The following NEB variants were observed in gnomAD, a reference collection of about 807,000 sequenced individuals.
NEB encodes nemaline myopathy type 2.
In NEB, 512 loss-of-function variants were observed where a neutral mutation model predicts 952.2. The observed-to-expected ratio is 0.54, with a 90% CI of 0.50 to 0.58. The LOEUF (loss-of-function observed/expected upper bound fraction) is 0.58. Among genes scored for constraint, NEB ranks in the 20% least tolerant of loss-of-function variants. The pLI is 0.00. For synonymous variants in NEB, 2,900 were observed against 3,149.8 expected, an observed-to-expected ratio of 0.92 and a Z score of 2.66; for missense variants, 8,428 against 9,231.1, an observed-to-expected ratio of 0.91 and a Z score of 3.56.
chr2:151,505,110 A>G (rs553886802), intron 165 of NEB, among the ~76,000 whole-genome samples: 284 of 152,318 alleles, frequency 1.9e-3, no homozygotes, highest in African/African-American at 6.6e-3. Flanking sequence ...TATACTACTT[A>G]TATGTTTATA....
intron 45 of NEB, among the ~76,000 whole-genome samples, chr2:151,663,249 A>G (rs569159953): frequency 1.3e-5 from 2 of 152,220 alleles, no homozygotes; most frequent in South Asian, 2.1e-4. Context: ...GCTTTTGACC[A>G]TCTTTGCTAG....
At chr2:151,576,817 G>A (rs1418474350) in intron 105 of NEB, among the ~76,000 whole-genome samples, 1 of 151,956 alleles carries the variant, frequency 6.6e-6, no homozygotes, top group African/African-American at 2.4e-5. Flanking sequence ...TTACAGGCAT[G>A]AGCCACTACG....
In NEB at chr2:151,643,798, A is replaced by G; in HGVS notation, c.7956+20T>C. On this transcript the variant is annotated intron_variant, in intron 57 of 181. Transcript: ENST00000397345. ...AGCAGACATAATGTTTTGTTGGCCA[A>G]AGGAAAATCTTAGACTCACATCGCT... 6.2e-7 allele frequency: 1 copy of G among 1,605,730 alleles called. No homozygotes were observed. The highest frequency in any genetic ancestry group is 8.5e-7 in the Non-Finnish European group (1 of 1,173,890).
chr2:151,558,949 T>C (rs1190387673), intron 124 of NEB, among the ~76,000 whole-genome samples: 1 of 152,096 alleles, frequency 6.6e-6, no homozygotes, highest in African/African-American at 2.4e-5. Flanking sequence ...TGGAATCTAA[T>C]TAAACTAAAG....
intron 34 of NEB, among the ~76,000 whole-genome samples, 188 bp from the exon 35 acceptor site, chr2:151,675,579 T>C (rs1204238143): frequency 6.6e-6 from 1 of 152,130 alleles, no homozygotes; most frequent in Non-Finnish European, 1.5e-5. Context: ...TGTGTTAAAA[T>C]AGAAGGAGAA....
At position 151,499,395 on chromosome 2, in the gene NEB, A is replaced by G. The variant is rs2062740735; in HGVS notation, c.24022-5T>C. On this transcript the variant is annotated splice_region_variant and splice_polypyrimidine_tract_variant and intron_variant, in intron 168 of 181. Transcript: ENST00000397345. Reference sequence around the variant, plus strand: ...AACGTTTTCTTTATACAACACCTGTATGACACAAGAAAGCATCCAGAAAAA... The same window carrying G: ...AACGTTTTCTTTATACAACACCTGTGTGACACAAGAAAGCATCCAGAAAAA... The G allele has an allele frequency of 2.7e-6, 4 of 1,501,970 alleles. No homozygotes were observed. The highest frequency in any genetic ancestry group is 9.1e-7 in the Non-Finnish European group (1 of 1,104,024). The allele number at this position is 1,501,970 out of a possible 1,614,324, so 93.0% of individuals were successfully genotyped here.
rs71403173 is a variant in NEB, at chr2:151,512,019, C to CTTTTT, written c.23346+709_23346+713dup. Among the ~76,000 whole-genome samples, 14 of 93,584 alleles carry CTTTTT rather than the reference C, an allele frequency of 1.5e-4. 2 individuals carry two copies. Among genetic ancestry groups the CTTTTT allele is most frequent in the African/African-American group, 5.6e-4 (13 of 23,308 alleles). 61.4% of individuals were successfully genotyped at this position (93,584 alleles called of 152,430 possible). A position where few individuals can be genotyped will look rare whatever the true frequency, so the allele number is the denominator to read the frequency against. ...CTGCATCATAGGTTACCCTCTCACT[C>CTTTTT]TTTTTTTTTTTTTTTTTTTTTTTTT... On this transcript the variant is annotated intron_variant, in intron 161 of 181. Transcript: ENST00000397345.
chr2:151,631,174 A>C lies in NEB; in HGVS notation c.9587T>G (p.Leu3196Arg), dbSNP rs754001835. Residue 3196 changes from leucine (L) to arginine (R), a missense_variant, in exon 66 of 182, where the codon CTG (leucine) becomes CGG (arginine). Around this residue, in one of 11 missense-constraint regions of NEB, gnomAD observed 1,772 missense variants for 1,960.3 expected, o/e 0.90. Transcript: ENST00000397345. ...TSVTDSLEQVLAKNNALNMNK... is the reference protein window; with the variant it reads ...TSVTDSLEQVRAKNNALNMNK... Reference sequence around the variant, plus strand: ...CATGTTGAGAGCATTGTTCTTGGCCAGCACCTGCTCTAGAGAATCAGTCAC... The same window carrying C: ...CATGTTGAGAGCATTGTTCTTGGCCCGCACCTGCTCTAGAGAATCAGTCAC... 1 of 1,613,974 alleles carries C rather than the reference A, an allele frequency of 6.2e-7. No individual in the cohort carries two copies. Among genetic ancestry groups the C allele is most frequent in the East Asian group, 2.2e-5 (1 of 44,878 alleles).
intron 55 of NEB, among the ~76,000 whole-genome samples, chr2:151,645,132 T>C (rs2098938569): frequency 6.6e-6 from 1 of 152,232 alleles, no homozygotes; most frequent in Non-Finnish European, 1.5e-5. Context: ...TGTTATACAG[T>C]GCATGTCTAT....
intron 60 of NEB, 69 bp from the exon 61 acceptor site, chr2:151,640,735 T>G: frequency 4.7e-6 from 7 of 1,477,638 alleles, no homozygotes; most frequent in Non-Finnish European, 6.4e-6. Context: ...TAAGCCTAAC[T>G]TGCTCTATTT....
At chr2:151,620,345 G>GTATA (rs775274994) in intron 72 of NEB, among the ~76,000 whole-genome samples, 1,535 of 86,986 alleles carry the variant, frequency 0.018, 36 homozygotes, top group Non-Finnish European at 0.025. Flanking sequence ...ATGTATGTGT[G>GTATA]TGTATATATA....
At chr2:151,545,819 G>A in intron 135 of NEB, 69 bp downstream of exon 135, 1 of 927,882 alleles carries the variant, frequency 1.1e-6, no homozygotes, top group Non-Finnish European at 1.7e-6. Context: ...GGAACTAAGA[G>A]CCTTGTGGAG....
intron 153 of NEB, among the ~76,000 whole-genome samples, chr2:151,522,614 G>A (rs1338771799): frequency 2.0e-5 from 3 of 152,092 alleles, no homozygotes; most frequent in Non-Finnish European, 4.4e-5. Flanking sequence ...CAATCTACAC[G>A]TTCCAACACA....
chr2:151,723,746 CTTTGTTTTTTT>C (rs1214834302), intron 8 of NEB, among the ~76,000 whole-genome samples: 1 of 55,914 alleles, frequency 1.8e-5, no homozygotes, highest in African/African-American at 7.3e-5. Context: ...TACCTGCCTT[CTTTGTTTTTTT>C]TTTTTTTTTT....
chr2:151,528,050 G>T (rs1466696555), intron 146 of NEB, among the ~76,000 whole-genome samples: 1 of 152,102 alleles, frequency 6.6e-6, no homozygotes, highest in Non-Finnish European at 1.5e-5. Context: ...CATAACAACT[G>T]CATGAAATAG....
At chr2:151,502,989 A>G in intron 166 of NEB, 104 bp from the exon 167 acceptor site, 1 of 673,690 alleles carries the variant, frequency 1.5e-6, no homozygotes, top group Non-Finnish European at 2.6e-6. Flanking sequence ...GCAGTTTTTT[A>G]GTAAGTAATA....
rs988993094 is a variant in NEB, at chr2:151,534,235, C to T, written c.21313-689G>A. On this transcript the variant is annotated intron_variant, in intron 142 of 181. Coordinates refer to ENST00000397345, the MANE Select transcript of NEB (RefSeq NM_001164508.2). ...AGTACCTGACTGATCTGGTCGCCTG[C>T]GGTCTTAGCCAGCAGATGTCTAGGC... is the stretch of plus-strand genomic sequence containing the variant. 23 of 1,613,226 alleles carry T rather than the reference C, an allele frequency of 1.4e-5. No homozygotes were observed. The African/African-American group carries it at 1.5e-4, about 10-fold the overall frequency.
In NEB at chr2:151,567,425, T is replaced by C. The variant is rs2096453116; in HGVS notation, c.17899A>G (p.Thr5967Ala). 6.2e-7 allele frequency: 1 copy of C among 1,613,560 alleles called. No individual in the cohort carries two copies. The highest frequency in any genetic ancestry group is 8.5e-7 in the Non-Finnish European group (1 of 1,179,760). Reference protein sequence around the residue: ...KQKGHYVGVPTMRDDPKLVWF... With the variant: ...KQKGHYVGVPAMRDDPKLVWF... ...ACCAGCTTAGGATCATCTCTCATCG[T>C]CGGGACACCAACATAATGACCTTTT... Residue 5967 changes from threonine (T) to alanine (A), a missense_variant, in exon 114 of 182, where the codon ACG becomes GCG. By Grantham distance (58) the Thr-to-Ala change is moderately conservative. This residue lies in a region of NEB where 3,374 missense variants were observed against 3,651.5 expected (regional missense o/e 0.92). Transcript: ENST00000397345.
chr2:151,718,633 A>G (rs887735259), intron 9 of NEB, among the ~76,000 whole-genome samples: 5 of 152,090 alleles, frequency 3.3e-5, no homozygotes, highest in African/African-American at 1.2e-4. Flanking sequence ...TTCAGAGGGA[A>G]TGACTCCTGC....
Sources: gnomAD v4.1 joint callset for allele counts (sites outside exome capture counted in the v4.1 genomes callset) on GRCh38, gnomAD v4.1.1 for gene constraint, gnomAD v4.1.1 regional missense constraint, MANE v1.5 for transcripts, NCBI Gene and HGNC (gene_info 2026-07-23, HGNC 2026-07-21) for gene names.